The following ZBBX variants were observed in gnomAD, a reference collection of about 807,000 sequenced individuals.
The protein encoded by ZBBX is zinc finger B-box domain-containing protein 1.
A neutral mutation model predicts 108.5 loss-of-function variants in ZBBX; 101 were observed. The observed-to-expected ratio is 0.93, with a 90% CI of 0.79 to 1.10. The LOEUF is 1.10. ZBBX is among the 50% of genes least tolerant of loss of function. The pLI is 0.00. For missense variants in ZBBX, 1,009 were observed against 941.4 expected (o/e 1.07, Z -0.94); for synonymous variants, 356 against 323.4 (o/e 1.10, Z -1.08).
At chr3:167,267,166 G>T (rs1401226408) in intron 20 of ZBBX, among the ~76,000 whole-genome samples, 2 of 152,228 alleles carry the variant, frequency 1.3e-5, no homozygotes, top group African/African-American at 4.8e-5. Context: ...CACCTCATAT[G>T]GCTTAGGGTG....
At chr3:167,362,581 A>G (rs1401467172) in intron 6 of ZBBX, among the ~76,000 whole-genome samples, 1 of 152,036 alleles carries the variant, frequency 6.6e-6, no homozygotes. Flanking sequence ...CATTCCGTGG[A>G]TCTTCTATTA....
At chr3:167,233,289 C>G in the ZBBX span, among the ~76,000 whole-genome samples, 2 of 151,792 alleles carry the variant, frequency 1.3e-5, no homozygotes. Context: ...GGCTCAAAAA[C>G]ATGAACTAGA....
At chr3:167,376,380 C>A (rs1746958256) in intron 2 of ZBBX, among the ~76,000 whole-genome samples, 1 of 152,100 alleles carries the variant, frequency 6.6e-6, no homozygotes, top group Admixed American at 6.5e-5. Flanking sequence ...TCAGGGAATC[C>A]AAATACTGGC....
chr3:167,225,363 C>T, the ZBBX span, among the ~76,000 whole-genome samples: 7,806 of 151,808 alleles, frequency 0.051, 558 homozygotes, highest in African/African-American at 0.16. Flanking sequence ...ACCATCATCA[C>T]GAATGGTAGG....
At chr3:167,267,777 A>C (rs753483686) in intron 20 of ZBBX, among the ~76,000 whole-genome samples, 11 of 152,180 alleles carry the variant, frequency 7.2e-5, no homozygotes, top group Non-Finnish European at 1.6e-4. Flanking sequence ...ACTAGGGAAA[A>C]GCCCGATCTA....
Position 167,350,451 on chromosome 3 carries a change from GC to G in ZBBX, c.496del (p.Ala166HisfsTer2), listed in dbSNP as rs759920797. ...AAGAGTTGTTCTGTGGAGCTTTAGT[GC>G]CCCTTTCTGGTGAACTTTAGCAAAG... Reference protein sequence around the residue: ...GCFAKVHQKGALKLHRTTLLQ... With the variant: ...GCFAKVHQKGXLKLHRTTLLQ... On this transcript the variant is annotated frameshift_variant, in exon 9 of 22. Transcript: ENST00000675490. LOFTEE classifies it high-confidence loss of function. 3 of 1,596,294 alleles carry G rather than the reference GC, an allele frequency of 1.9e-6. No individual in the cohort carries two copies. The East Asian group carries it at 6.8e-5, about 36-fold the overall frequency.
At chr3:167,350,186 G>A (rs754771481) in intron 9 of ZBBX, among the ~76,000 whole-genome samples, 3 of 151,910 alleles carry the variant, frequency 2.0e-5, no homozygotes, top group Non-Finnish European at 2.9e-5. Context: ...ATAATCTGAA[G>A]ACTCTAAGCT....
rs112636166 is a variant in ZBBX, at chr3:167,263,879, G to A, written c.2254+18359C>T. On this transcript the variant is annotated intron_variant, in intron 20 of 21. Transcript: ENST00000675490. ...TCTCTTTAGTTCTAATAATATTTGC[G>A]TTATATATCTGGGTACTCCAGTGTT... 7.4e-3 allele frequency among the ~76,000 whole-genome samples: 1,123 copies of A among 152,158 alleles called. 12 individuals carry two copies. The highest frequency in any genetic ancestry group is 0.024 in the African/African-American group (1,011 of 41,510).
Position 167,305,845 on chromosome 3 carries a change from T to C in ZBBX, c.1523A>G (p.Glu508Gly). 6.2e-7 allele frequency: 1 copy of C among 1,611,054 alleles called. No homozygotes were observed. Among genetic ancestry groups the C allele is most frequent in the Non-Finnish European group, 8.5e-7 (1 of 1,178,656 alleles). ...ATTACTTTCTAAACCTATATTTTTCTCCTTTAAATTTCTTTCAAAGGAGGT... is the reference window on the plus strand; with the variant it reads ...ATTACTTTCTAAACCTATATTTTTCCCCTTTAAATTTCTTTCAAAGGAGGT... ...ESTSFERNLK[E>G]KNIGLESNQK... The change falls in exon 17 of 22, where the codon GAG (glutamate) becomes GGG (glycine). Residue 508 changes from glutamate (E) to glycine (G), a missense_variant. Physicochemically the swap from Glu to Gly is moderately conservative, Grantham distance 98. Transcript: ENST00000675490.
chr3:167,366,068 G>C, intron 5 of ZBBX, 92 bp from the exon 6 acceptor site: 1 of 930,242 alleles, frequency 1.1e-6, no homozygotes. Context: ...TCAGAAAATG[G>C]AAATTCAGTT....
intron 19 of ZBBX, among the ~76,000 whole-genome samples, chr3:167,285,688 T>A (rs932134160): frequency 1.3e-5 from 2 of 152,146 alleles, no homozygotes; most frequent in Non-Finnish European, 2.9e-5. Flanking sequence ...GAATTAATAC[T>A]CAATCAAATT....
At chr3:167,217,891 AT>A in the ZBBX span, among the ~76,000 whole-genome samples, 43,142 of 141,676 alleles carry the variant, frequency 0.3, 6,966 homozygotes, top group Non-Finnish European at 0.39. Context: ...TGTTCTCACT[AT>A]TTTTTTTTTT....
chr3:167,228,442 T>C, the ZBBX span, among the ~76,000 whole-genome samples: 1 of 151,796 alleles, frequency 6.6e-6, no homozygotes, highest in South Asian at 2.1e-4. Flanking sequence ...CTCATTATAG[T>C]GGACTTAGAA....
chr3:167,365,378 A>G (rs1189469200), intron 6 of ZBBX, among the ~76,000 whole-genome samples: 1 of 151,800 alleles, frequency 6.6e-6, no homozygotes, highest in Non-Finnish European at 1.5e-5. Flanking sequence ...ATTTTATAGC[A>G]CACAGTAAAG....
intron 16 of ZBBX, among the ~76,000 whole-genome samples, chr3:167,309,746 G>T (rs2108255678): frequency 6.6e-6 from 1 of 152,322 alleles, no homozygotes; most frequent in South Asian, 2.1e-4. Context: ...TAATGGGAGG[G>T]GATGCTGTGA....
intron 8 of ZBBX, among the ~76,000 whole-genome samples, chr3:167,351,410 T>A (rs1742625473): frequency 6.6e-6 from 1 of 152,018 alleles, no homozygotes; most frequent in Admixed American, 6.6e-5. Flanking sequence ...TTCAAATAGA[T>A]TGCCTGAGAG....
chr3:167,299,334 C>T (rs2108186527), intron 17 of ZBBX, among the ~76,000 whole-genome samples: 1 of 151,978 alleles, frequency 6.6e-6, no homozygotes, highest in African/African-American at 2.4e-5. Context: ...AAGAACAAAG[C>T]TAGTGACCAA....
chr3:167,230,921 T>C, the ZBBX span, among the ~76,000 whole-genome samples: 22 of 151,868 alleles, frequency 1.4e-4, no homozygotes, highest in African/African-American at 5.3e-4. Flanking sequence ...GTGGGAGTGG[T>C]GGAGCCAGTT....
chr3:167,300,287 T>G (rs1732411544), intron 17 of ZBBX, among the ~76,000 whole-genome samples: 1 of 152,086 alleles, frequency 6.6e-6, no homozygotes, highest in Non-Finnish European at 1.5e-5. Flanking sequence ...ATATCCCCCA[T>G]GAGGAAAAGG....
Sources: gnomAD v4.1 joint callset for allele counts (sites outside exome capture counted in the v4.1 genomes callset) on GRCh38, gnomAD v4.1.1 for gene constraint, MANE v1.5 for transcripts, NCBI Gene and HGNC (gene_info 2026-07-23, HGNC 2026-07-21) for gene names.